MDGA2: variants seen among roughly 807,000 people sequenced by gnomAD.
The protein encoded by MDGA2 is MAM domain-containing glycosylphosphatidylinositol anchor protein 2.
A neutral mutation model predicts 117.8 loss-of-function variants in MDGA2; 40 were observed. The ratio of observed to expected loss-of-function variants is 0.34; its 90% CI spans 0.26 to 0.44. The LOEUF (loss-of-function observed/expected upper bound fraction) is 0.44. MDGA2 is among the 20% of genes least tolerant of loss of function. The probability of loss-of-function intolerance (pLI) is 1.00; values close to 1 mark genes in which losing one functional copy is unlikely to be tolerated. For synonymous variants in MDGA2, 452 were observed against 439.0 expected, an observed-to-expected ratio of 1.03 and a Z score of -0.37; for missense variants, 1,123 against 1,250.6, an observed-to-expected ratio of 0.90 and a Z score of 1.54.
chr14:47,020,932 GAAAAT>G (rs1437679830), intron 8 of MDGA2, among the ~76,000 whole-genome samples: 2 of 146,660 alleles, frequency 1.4e-5, no homozygotes, highest in South Asian at 2.1e-4. Flanking sequence ...AAAAGAAAAA[GAAAAT>G]AATTTTTAAA....
chr14:47,444,255 A>C (rs1016176536), intron 1 of MDGA2: 1 of 168,232 alleles, frequency 5.9e-6, no homozygotes. Context: ...TGAGTTGTAC[A>C]TCGAAGTTGA....
intron 1 of MDGA2, among the ~76,000 whole-genome samples, chr14:47,599,243 T>A (rs2138874922): frequency 6.6e-6 from 1 of 151,970 alleles, no homozygotes; most frequent in Non-Finnish European, 1.5e-5. Context: ...CCATTCCATC[T>A]AAAACATAAC....
At chr14:47,459,561 TTTCC>T (rs1207476060) in intron 1 of MDGA2, among the ~76,000 whole-genome samples, 1 of 150,016 alleles carries the variant, frequency 6.7e-6, no homozygotes, top group Non-Finnish European at 1.5e-5. Flanking sequence ...TCCTTCCTTC[TTTCC>T]TTCCTTCCTT....
intron 1 of MDGA2, among the ~76,000 whole-genome samples, chr14:47,349,459 T>A (rs1397080189): frequency 6.6e-6 from 1 of 152,236 alleles, no homozygotes; most frequent in Non-Finnish European, 1.5e-5. Flanking sequence ...TACCACATAA[T>A]ACATATCTTC....
At chr14:47,277,413 T>G (rs964649352) in intron 2 of MDGA2, among the ~76,000 whole-genome samples, 1 of 152,202 alleles carries the variant, frequency 6.6e-6, no homozygotes, top group African/African-American at 2.4e-5. Context: ...ATCACCTTGA[T>G]TTAACTAGCA....
At chr14:47,172,785 C>A (rs867957078) in intron 3 of MDGA2, among the ~76,000 whole-genome samples, 23 of 152,294 alleles carry the variant, frequency 1.5e-4, no homozygotes, top group Admixed American at 8.5e-4. Flanking sequence ...AGCAACGGAA[C>A]AAAGCTGGAT....
At chr14:47,458,329 G>C (rs925350810) in intron 1 of MDGA2, among the ~76,000 whole-genome samples, 1 of 152,036 alleles carries the variant, frequency 6.6e-6, no homozygotes, top group South Asian at 2.1e-4. Context: ...CTGTGTTTTT[G>C]CCATCATATG....
intron 10 of MDGA2, among the ~76,000 whole-genome samples, chr14:46,907,039 C>T (rs966864873): frequency 4.3e-5 from 6 of 139,112 alleles, no homozygotes; most frequent in Admixed American, 7.8e-5. Flanking sequence ...TGCAGTGGCA[C>T]GAACTCAGCT....
intron 3 of MDGA2, among the ~76,000 whole-genome samples, chr14:47,167,112 A>C (rs1035399792): frequency 6.6e-6 from 1 of 152,074 alleles, no homozygotes; most frequent in African/African-American, 2.4e-5. Flanking sequence ...AACTCTCTCT[A>C]TATATACTTT....
chr14:47,461,772 G>C (rs558670361), intron 1 of MDGA2, among the ~76,000 whole-genome samples: 1 of 152,048 alleles, frequency 6.6e-6, no homozygotes, highest in Non-Finnish European at 1.5e-5. Flanking sequence ...TTATTTTTAC[G>C]TGACATGAAC....
At position 47,361,207 on chromosome 14, in the gene MDGA2, CTATATA is replaced by C. The variant is rs1226702812; in HGVS notation, c.281-59663_281-59658del. Among the ~76,000 whole-genome samples, 70 of 140,490 alleles carry C rather than the reference CTATATA, an allele frequency of 5.0e-4. 1 individual carries two copies. Among genetic ancestry groups the C allele is most frequent in the African/African-American group, 1.8e-3 (65 of 36,738 alleles). The allele number at this position is 140,490 out of a possible 152,430, so 92.2% of individuals were successfully genotyped here. On this transcript the variant is annotated intron_variant, in intron 1 of 16. Transcript: ENST00000399232. ...TTGTACTCTCTCTCTCTCTCTCTCT[CTATATA>C]TATATATATATATATGGCAGTAGTA...
intron 5 of MDGA2, among the ~76,000 whole-genome samples, chr14:47,116,682 T>C (rs909600265): frequency 2.6e-5 from 4 of 152,012 alleles, no homozygotes; most frequent in Non-Finnish European, 4.4e-5. Flanking sequence ...ACAAGAGATG[T>C]TGGAAATATT....
intron 1 of MDGA2, among the ~76,000 whole-genome samples, chr14:47,670,415 T>A (rs1485993580): frequency 6.6e-6 from 1 of 152,176 alleles, no homozygotes; most frequent in East Asian, 1.9e-4. Flanking sequence ...ACAGAATATG[T>A]CAATAGAGTA....
chr14:47,110,296 C>G (rs1245267579), intron 5 of MDGA2, among the ~76,000 whole-genome samples: 1 of 152,066 alleles, frequency 6.6e-6, no homozygotes, highest in African/African-American at 2.4e-5. Context: ...ATAAAGGCTA[C>G]GTGGCTTTTT....
At chr14:47,371,523 G>A (rs1477218604) in intron 1 of MDGA2, among the ~76,000 whole-genome samples, 1 of 151,726 alleles carries the variant, frequency 6.6e-6, no homozygotes, top group Non-Finnish European at 1.5e-5. Flanking sequence ...CTGAATAAGA[G>A]TAAGGGAAGC....
At chr14:47,241,461 AATT>A (rs1276790017) in intron 2 of MDGA2, among the ~76,000 whole-genome samples, 1 of 151,896 alleles carries the variant, frequency 6.6e-6, no homozygotes, top group Admixed American at 6.6e-5. Flanking sequence ...GAAATTTAAA[AATT>A]ATTGTGTTTG....
chr14:47,110,253 GT>G (rs1225190037), intron 5 of MDGA2, among the ~76,000 whole-genome samples: 1 of 151,752 alleles, frequency 6.6e-6, no homozygotes, highest in Non-Finnish European at 1.5e-5. Context: ...AATAAACCAT[GT>G]AACTCAGCCG....
chr14:47,582,510 T>C (rs910990352), intron 1 of MDGA2, among the ~76,000 whole-genome samples: 2 of 151,918 alleles, frequency 1.3e-5, no homozygotes, highest in Non-Finnish European at 2.9e-5. Flanking sequence ...AACCTAATCA[T>C]CTTCGATGAC....
At chr14:47,331,531 A>G (rs73251857) in intron 1 of MDGA2, among the ~76,000 whole-genome samples, 6,182 of 150,538 alleles carry the variant, frequency 0.041, 170 homozygotes, top group African/African-American at 0.076. Flanking sequence ...GTTGACGCAG[A>G]TTCTTTACTG....
Sources: allele counts gnomAD v4.1 joint callset (sites outside exome capture counted in the v4.1 genomes callset), GRCh38; gene constraint gnomAD v4.1.1; transcripts MANE v1.5; gene names NCBI Gene and HGNC (gene_info 2026-07-23, HGNC 2026-07-21).